TEX9: variants seen among roughly 807,000 people sequenced by gnomAD.
TEX9 encodes the protein testis-expressed protein 9.
A neutral mutation model predicts 59.6 loss-of-function variants in TEX9; 74 were observed. The ratio of observed to expected loss-of-function variants is 1.24; its 90% confidence interval spans 1.03 to 1.51. TEX9 has a LOEUF of 1.51. Ranked by LOEUF, TEX9 falls within the 40% of genes most tolerant of loss-of-function variation. TEX9 has a pLI of 0.00. For synonymous variants in TEX9, 186 were observed against 152.2 expected, an observed-to-expected ratio of 1.22 and a Z score of -1.64; for missense variants, 522 against 447.8, an observed-to-expected ratio of 1.17 and a Z score of -1.49.
chr15:56,412,936 G>T (rs1249478169), intron 10 of TEX9, among the ~76,000 whole-genome samples: 1 of 152,054 alleles, frequency 6.6e-6, no homozygotes, highest in Non-Finnish European at 1.5e-5. Context: ...TGAGGCCTGA[G>T]AAATTGCACT....
At chr15:56,318,943 C>T (rs540292195) in intron 1 of TEX9, among the ~76,000 whole-genome samples, 20 of 152,208 alleles carry the variant, frequency 1.3e-4, no homozygotes, top group South Asian at 6.2e-4. Context: ...AAGAACTCTA[C>T]GCTATTACAA....
In TEX9 at chr15:56,394,224, GT is replaced by G; in HGVS notation, c.633del (p.Val212TyrfsTer14). ...TGTTATGCAGGAGGAATTGGATAAT[GT>G]TGTATGTGAATGCAATAAAAAGGTA... On this transcript the variant is annotated frameshift_variant, in exon 8 of 13. Transcript: ENST00000352903. LOFTEE classifies it high-confidence loss of function. 6.2e-7 allele frequency: 1 copy of G among 1,607,588 alleles called. No individual in the cohort carries two copies. The highest frequency in any genetic ancestry group is 8.5e-7 in the Non-Finnish European group (1 of 1,177,352).
chr15:56,319,382 T>A (rs1453188601), intron 1 of TEX9, among the ~76,000 whole-genome samples: 13 of 151,282 alleles, frequency 8.6e-5, no homozygotes, highest in Non-Finnish European at 1.5e-5. Context: ...AAACAAGACA[T>A]ATACATAAGA....
At chr15:56,409,013 C>G (rs544360750) in intron 9 of TEX9, 1 of 152,162 alleles carries the variant, frequency 6.6e-6, no homozygotes, top group South Asian at 2.1e-4. Flanking sequence ...CTGGGTAACA[C>G]GGTGAAACCC....
chr15:56,369,495 A>G lies in TEX9; in HGVS notation c.119+3825A>G, dbSNP rs141753098. Among the ~76,000 whole-genome samples, 298 of 151,622 alleles carry G rather than the reference A, an allele frequency of 2.0e-3. 11 individuals are homozygous for G. Among genetic ancestry groups the G allele is most frequent in the Admixed American group, 0.017 (263 of 15,222 alleles). ...CAGGCATGTGCTAACATGCCTGGCTAATTTTTGTATTATATTTTTTGTAGT... is the reference window on the plus strand; with the variant it reads ...CAGGCATGTGCTAACATGCCTGGCTGATTTTTGTATTATATTTTTTGTAGT... On this transcript the variant is annotated intron_variant, in intron 2 of 12. Transcript: ENST00000352903.
At chr15:56,365,362 T>TAGGCGCCCGGGCGGG (rs1169228067), upstream of TEX9, 22 of 1,515,296 alleles carry the variant, frequency 1.5e-5, no homozygotes, top group African/African-American at 9.7e-5. Flanking sequence ...TGGGAAGGCG[T>TAGGCGCCCGGGCGGG]AGGCGCCCGG....
At chr15:56,269,156 G>A (rs1366450631) in intron 1 of TEX9, among the ~76,000 whole-genome samples, 2 of 152,098 alleles carry the variant, frequency 1.3e-5, no homozygotes, top group African/African-American at 4.8e-5. Context: ...ATTCCTGTCG[G>A]ATCCGTGGTG....
intron 1 of TEX9, among the ~76,000 whole-genome samples, chr15:56,268,852 G>A (rs1280446887): frequency 1.3e-5 from 2 of 152,074 alleles, no homozygotes; most frequent in South Asian, 2.1e-4. Context: ...AATGAGTTAA[G>A]GAGGATTCCC....
downstream of TEX9, chr15:56,446,791 T>A (rs1417699775): frequency 1.7e-5 from 23 of 1,386,912 alleles, no homozygotes; most frequent in Non-Finnish European, 2.0e-5. Context: ...CAAGTCTAAT[T>A]TTTATTTTCT....
chr15:56,348,887 A>G (rs553030052), intron 1 of TEX9, among the ~76,000 whole-genome samples: 82 of 151,734 alleles, frequency 5.4e-4, no homozygotes, highest in African/African-American at 2.0e-3. Flanking sequence ...AGAATTACTG[A>G]TATTGCCTCA....
chr15:56,382,398 TAC>T (rs1192411312), intron 3 of TEX9, among the ~76,000 whole-genome samples: 2 of 152,190 alleles, frequency 1.3e-5, no homozygotes, highest in Non-Finnish European at 2.9e-5. Flanking sequence ...AAGGCCCCTT[TAC>T]TTTTCCCTTT....
At chr15:56,269,855 A>G (rs1196929726) in intron 1 of TEX9, among the ~76,000 whole-genome samples, 2 of 151,564 alleles carry the variant, frequency 1.3e-5, no homozygotes, top group Non-Finnish European at 2.9e-5. Context: ...ATGGGGTTTC[A>G]CCGTGTTAGC....
At chr15:56,313,543 C>T (rs1381516082) in intron 1 of TEX9, among the ~76,000 whole-genome samples, 4 of 138,462 alleles carry the variant, frequency 2.9e-5, no homozygotes, top group Admixed American at 7.7e-5. Flanking sequence ...CTGCTGGATT[C>T]GTTTTGCCAG....
chr15:56,378,390 CT>C (rs1322569289), intron 3 of TEX9, among the ~76,000 whole-genome samples: 1 of 150,762 alleles, frequency 6.6e-6, no homozygotes, highest in Non-Finnish European at 1.5e-5. Flanking sequence ...TGGCTTCAGT[CT>C]TGTTACTTAT....
chr15:56,456,354 A>T, the TEX9 span: 1 of 1,571,914 alleles, frequency 6.4e-7, no homozygotes. Flanking sequence ...GAGTTTAAAG[A>T]TAAAGACTAA....
intron 1 of TEX9, among the ~76,000 whole-genome samples, chr15:56,345,257 G>C (rs1269557085): frequency 6.6e-6 from 1 of 151,864 alleles, no homozygotes; most frequent in Non-Finnish European, 1.5e-5. Flanking sequence ...AGATATTTTG[G>C]AAGCATGGAC....
intron 1 of TEX9, among the ~76,000 whole-genome samples, chr15:56,244,896 C>T (rs1477836053): frequency 3.3e-5 from 5 of 151,352 alleles, no homozygotes; most frequent in Admixed American, 6.6e-5. Flanking sequence ...GAAGAATTGG[C>T]TTTTCTAGGT....
At chr15:56,456,170 G>A in the TEX9 span, among the ~76,000 whole-genome samples, 1 of 152,058 alleles carries the variant, frequency 6.6e-6, no homozygotes, top group African/African-American at 2.4e-5. Flanking sequence ...GGAAAGAGCA[G>A]GGGGACTGAT....
At chr15:56,453,502 T>G in the TEX9 span, among the ~76,000 whole-genome samples, 1 of 152,168 alleles carries the variant, frequency 6.6e-6, no homozygotes, top group Non-Finnish European at 1.5e-5. Context: ...ATGGTAATAG[T>G]ATTAAGAAGG....
Sources: allele counts gnomAD v4.1 joint callset (sites outside exome capture counted in the v4.1 genomes callset), GRCh38; gene constraint gnomAD v4.1.1; transcripts MANE v1.5; gene names NCBI Gene and HGNC (gene_info 2026-07-23, HGNC 2026-07-21).